The following KCNN2 variants were observed in gnomAD, a reference collection of about 807,000 sequenced individuals.
The protein encoded by KCNN2 is small conductance calcium-activated potassium channel protein 2.
In KCNN2, 24 loss-of-function variants were observed where a neutral mutation model predicts 55.5. The ratio of observed to expected loss-of-function variants is 0.43; its 90% CI spans 0.31 to 0.61. The LOEUF (loss-of-function observed/expected upper bound fraction) is 0.61. Among genes scored for constraint, KCNN2 ranks in the 20% least tolerant of loss-of-function variants. The pLI, the probability that KCNN2 is intolerant of heterozygous loss-of-function variation, is 0.08. For missense variants in KCNN2, 754 were observed against 853.6 expected, an observed-to-expected ratio of 0.88 and a Z score of 1.45; for synonymous variants, 431 against 336.1, an observed-to-expected ratio of 1.28 and a Z score of -3.09.
At chr5:114,382,467 A>T (rs1189057563) in intron 2 of KCNN2, among the ~76,000 whole-genome samples, 1 of 152,202 alleles carries the variant, frequency 6.6e-6, no homozygotes, top group Non-Finnish European at 1.5e-5. Flanking sequence ...TCTTGGGAAA[A>T]TAGTTACTCT....
intron 2 of KCNN2, among the ~76,000 whole-genome samples, chr5:114,375,930 C>T (rs1276504235): frequency 1.8e-5 from 2 of 114,162 alleles, no homozygotes; most frequent in Non-Finnish European, 3.6e-5. Context: ...GTTTTTAAAT[C>T]ATTTAAAAAA....
At chr5:114,386,481 G>T (rs1430467562) in intron 2 of KCNN2, among the ~76,000 whole-genome samples, 1 of 152,118 alleles carries the variant, frequency 6.6e-6, no homozygotes, top group African/African-American at 2.4e-5. Flanking sequence ...AATTTGTTAT[G>T]TAGAAATATA....
Position 114,165,392 on chromosome 5 carries a change from C to T in KCNN2, c.-270-56088C>T, listed in dbSNP as rs76298247. Among the ~76,000 whole-genome samples the T allele has an allele frequency of 3.9e-3, 589 of 152,182 alleles. 3 individuals carry two copies. The highest frequency in any genetic ancestry group is 0.013 in the African/African-American group (549 of 41,516). Reference sequence around the variant, plus strand: ...CATATTTTCTCTTCCTTATGATTTTCGTTTTTTCAGATTAAAATTTATTTA... The same window carrying T: ...CATATTTTCTCTTCCTTATGATTTTTGTTTTTTCAGATTAAAATTTATTTA... On this transcript the variant is annotated intron_variant, in intron 1 of 10. Coordinates refer to the KCNN2 transcript ENST00000512097.
At chr5:114,246,609 TAC>T in intron 2 of KCNN2, among the ~76,000 whole-genome samples, 1 of 152,298 alleles carries the variant, frequency 6.6e-6, no homozygotes, top group East Asian at 1.9e-4. Flanking sequence ...CTTTTAGAGC[TAC>T]TGTACCTTTA....
At chr5:114,258,856 T>C (rs1164245263) in intron 2 of KCNN2, among the ~76,000 whole-genome samples, 1 of 152,208 alleles carries the variant, frequency 6.6e-6, no homozygotes, top group African/African-American at 2.4e-5. Context: ...TCAGCTTTTC[T>C]GCTCTCCACT....
At chr5:114,468,063 T>G (rs1255669196) in intron 4 of KCNN2, among the ~76,000 whole-genome samples, 1 of 152,016 alleles carries the variant, frequency 6.6e-6, no homozygotes, top group East Asian at 1.9e-4. Context: ...CACCACACAC[T>G]CTCCCCTCTT....
chr5:114,234,014 A>T (rs1580644854), intron 2 of KCNN2, among the ~76,000 whole-genome samples: 1 of 148,540 alleles, frequency 6.7e-6, no homozygotes, highest in Non-Finnish European at 1.5e-5. Context: ...ATGAATTTTA[A>T]CTTGGCTCTA....
chr5:114,132,794 G>T (rs1013944677), intron 1 of KCNN2, among the ~76,000 whole-genome samples: 11 of 152,110 alleles, frequency 7.2e-5, no homozygotes, highest in African/African-American at 2.7e-4. Flanking sequence ...ACTGTATTAG[G>T]CAGGAGAAAT....
At chr5:114,340,267 A>G (rs930531931) in intron 2 of KCNN2, among the ~76,000 whole-genome samples, 2 of 152,190 alleles carry the variant, frequency 1.3e-5, no homozygotes, top group African/African-American at 4.8e-5. Context: ...TCATTGTTTA[A>G]TTGTGTTCTA....
intron 2 of KCNN2, among the ~76,000 whole-genome samples, chr5:114,318,235 A>G (rs1444854796): frequency 6.6e-6 from 1 of 152,220 alleles, no homozygotes; most frequent in Admixed American, 6.5e-5. Context: ...AAGGCAATAC[A>G]GTTTAAAGAC....
intron 3 of KCNN2, among the ~76,000 whole-genome samples, chr5:114,405,628 T>C (rs1326091738): frequency 6.6e-6 from 1 of 152,164 alleles, no homozygotes; most frequent in Non-Finnish European, 1.5e-5. Context: ...AAATTAACAG[T>C]AGAGACATAG....
At chr5:114,207,469 C>T (rs1753799490) in intron 1 of KCNN2, among the ~76,000 whole-genome samples, 2 of 152,176 alleles carry the variant, frequency 1.3e-5, no homozygotes, top group South Asian at 2.1e-4. Context: ...TTTTAATACC[C>T]ATACCTAGTA....
chr5:114,285,076 A>G (rs1412870563), intron 2 of KCNN2, among the ~76,000 whole-genome samples: 1 of 151,108 alleles, frequency 6.6e-6, no homozygotes, highest in Non-Finnish European at 1.5e-5. Context: ...AGGTCAGGAG[A>G]TCGAGACCAT....
chr5:114,102,852 G>A (rs1389467307), intron 1 of KCNN2, among the ~76,000 whole-genome samples: 1 of 152,278 alleles, frequency 6.6e-6, no homozygotes, highest in Non-Finnish European at 1.5e-5. Flanking sequence ...TTGTAGTGTA[G>A]TTTGAAGTCA....
chr5:114,300,528 A>T (rs1756133351), intron 2 of KCNN2, among the ~76,000 whole-genome samples: 1 of 152,254 alleles, frequency 6.6e-6, no homozygotes, highest in Non-Finnish European at 1.5e-5. Context: ...AAGTTATAGC[A>T]ATGGAAGATC....
At position 114,404,613 on chromosome 5, in the gene KCNN2, A is replaced by G; in HGVS notation, c.1394A>G (p.Asp465Gly). The change falls in exon 3 of 8, where the codon GAT becomes GGT. Residue 465 changes from aspartate to glycine, a missense_variant. Asp to Gly is a moderately conservative substitution (Grantham distance 94). This residue lies in a region of KCNN2 where 123 missense variants were observed against 204.9 expected (regional missense o/e 0.60). Transcript: ENST00000673685. ...FSYAPSTTTA[D>G]VDIILSIPMF... ...TATGCCCCATCCACAACCACCGCTG[A>G]TGTGGATATTATTTTATCTATACCA... 1 of 1,613,466 alleles carries G rather than the reference A, an allele frequency of 6.2e-7. No homozygotes were observed. The highest frequency in any genetic ancestry group is 8.5e-7 in the Non-Finnish European group (1 of 1,179,446).
chr5:114,433,352 T>C (rs1227876694), intron 3 of KCNN2, among the ~76,000 whole-genome samples: 1 of 152,124 alleles, frequency 6.6e-6, no homozygotes, highest in Non-Finnish European at 1.5e-5. Flanking sequence ...TCTGTATCTG[T>C]CTAATCTGGT....
At chr5:114,344,975 T>C (rs951481463) in intron 2 of KCNN2, among the ~76,000 whole-genome samples, 3 of 152,212 alleles carry the variant, frequency 2.0e-5, no homozygotes, top group Non-Finnish European at 4.4e-5. Context: ...TGCTAGGATT[T>C]TGCCCTGAAG....
chr5:114,350,644 A>G (rs1351116590), intron 2 of KCNN2, among the ~76,000 whole-genome samples: 1 of 151,912 alleles, frequency 6.6e-6, no homozygotes, highest in Non-Finnish European at 1.5e-5. Context: ...TTGTGTAAAG[A>G]AAGGGTCCAG....
Sources: allele counts gnomAD v4.1 joint callset (sites outside exome capture counted in the v4.1 genomes callset), GRCh38; gene constraint gnomAD v4.1.1; regional missense constraint gnomAD v4.1.1; transcripts MANE v1.5; gene names NCBI Gene and HGNC (gene_info 2026-07-23, HGNC 2026-07-21).